The following SKAP1 variants were observed in gnomAD, a reference collection of about 807,000 sequenced individuals.
SKAP1 encodes src kinase-associated phosphoprotein 1.
A neutral mutation model predicts 58.5 loss-of-function variants in SKAP1; 44 were observed. The ratio of observed to expected loss-of-function variants is 0.75; its 90% confidence interval spans 0.59 to 0.97. The LOEUF (loss-of-function observed/expected upper bound fraction) is 0.97, where lower values mean the gene tolerates loss of function less well. Among genes scored for constraint, SKAP1 ranks in the 50% least tolerant of loss-of-function variants. The pLI is 0.00. For synonymous variants in SKAP1, 127 were observed against 149.7 expected (o/e 0.85, Z 1.11); for missense variants, 390 against 435.2 (o/e 0.90, Z 0.92).
rs535964123 is a variant in SKAP1, at chr17:48,253,583, T to C, written c.281-64083A>G. Among the ~76,000 whole-genome samples, 3 of 152,308 alleles carry C rather than the reference T, an allele frequency of 2.0e-5. No individual in the cohort carries two copies. In the South Asian group the frequency reaches 6.2e-4, roughly 32 times the overall value. On this transcript the variant is annotated intron_variant, in intron 4 of 12. Transcript: ENST00000336915. ...AATCCAAATTAGGTACGGATTAGGA[T>C]GGCTACAGGATACTTCTCTTAGGCA...
At chr17:48,338,828 A>C (rs1452113809) in intron 4 of SKAP1, among the ~76,000 whole-genome samples, 1 of 152,224 alleles carries the variant, frequency 6.6e-6, no homozygotes, top group African/African-American at 2.4e-5. Flanking sequence ...AATTACTGTC[A>C]ACTTGGAAGC....
At chr17:48,428,893 C>T (rs2067881595) in intron 1 of SKAP1, among the ~76,000 whole-genome samples, 1 of 152,130 alleles carries the variant, frequency 6.6e-6, no homozygotes, top group Admixed American at 6.5e-5. Context: ...GTAAGTAAAA[C>T]GGATTTTGGA....
At chr17:48,309,616 CAT>C (rs1238355436) in intron 4 of SKAP1, among the ~76,000 whole-genome samples, 2 of 152,072 alleles carry the variant, frequency 1.3e-5, no homozygotes. Flanking sequence ...TATATGTCCA[CAT>C]ATATACTCTC....
chr17:48,312,860 T>C (rs1218859316), intron 4 of SKAP1, among the ~76,000 whole-genome samples: 1 of 152,178 alleles, frequency 6.6e-6, no homozygotes, highest in Non-Finnish European at 1.5e-5. Flanking sequence ...GGCCATATGA[T>C]ATCTTGGAGG....
intron 4 of SKAP1, among the ~76,000 whole-genome samples, chr17:48,289,034 T>C (rs945418283): frequency 1.3e-5 from 2 of 152,108 alleles, no homozygotes; most frequent in African/African-American, 2.4e-5. Flanking sequence ...CAGGGCACCA[T>C]GTAAAATTAT....
At chr17:48,153,894 TA>T (rs1259590946) in intron 11 of SKAP1, among the ~76,000 whole-genome samples, 4,301 of 99,106 alleles carry the variant, frequency 0.043, 123 homozygotes, top group African/African-American at 0.12. Flanking sequence ...GCCCTGAAAT[TA>T]AAAAAAAAAA....
At position 48,238,590 on chromosome 17, in the gene SKAP1, C is replaced by G. The variant is rs149221049; in HGVS notation, c.281-49090G>C. On this transcript the variant is annotated intron_variant, in intron 4 of 12. Coordinates refer to ENST00000336915, the MANE Select transcript of SKAP1 (RefSeq NM_003726.4). Reference sequence around the variant, plus strand: ...GTCTCCCTATGTTGCACAGGATGGTCTCGAACTCCTGGGCTCAAGCAATCC... The same window carrying G: ...GTCTCCCTATGTTGCACAGGATGGTGTCGAACTCCTGGGCTCAAGCAATCC... Among the ~76,000 whole-genome samples the G allele has an allele frequency of 3.5e-4, 54 of 152,162 alleles. No homozygotes were observed. In the East Asian group the frequency reaches 7.7e-3, roughly 22 times the overall value.
intron 4 of SKAP1, among the ~76,000 whole-genome samples, chr17:48,263,412 T>C (rs1317664075): frequency 6.6e-6 from 1 of 152,220 alleles, no homozygotes; most frequent in Non-Finnish European, 1.5e-5. Flanking sequence ...TTAAGAACAT[T>C]GGGTCTCTTT....
intron 11 of SKAP1, among the ~76,000 whole-genome samples, chr17:48,153,399 G>A (rs539130078): frequency 6.6e-6 from 1 of 152,280 alleles, no homozygotes; most frequent in African/African-American, 2.4e-5. Flanking sequence ...GGAAAGGAAT[G>A]GCCTCTACTG....
chr17:48,309,025 G>A (rs1018326453), intron 4 of SKAP1, among the ~76,000 whole-genome samples: 6 of 151,916 alleles, frequency 3.9e-5, no homozygotes, highest in African/African-American at 1.2e-4. Flanking sequence ...AGCTCTGATC[G>A]GGGTAACTGA....
intron 11 of SKAP1, among the ~76,000 whole-genome samples, chr17:48,150,607 G>T (rs916526710): frequency 6.6e-6 from 1 of 152,096 alleles, no homozygotes; most frequent in African/African-American, 2.4e-5. Flanking sequence ...TATAAATCGG[G>T]ACCTTGCTGA....
chr17:48,323,164 T>C (rs1345842215), intron 4 of SKAP1, among the ~76,000 whole-genome samples: 1 of 151,408 alleles, frequency 6.6e-6, no homozygotes, highest in East Asian at 1.9e-4. Context: ...GCAGAGCATG[T>C]TACAACTTGG....
At chr17:48,162,298 C>G (rs2143286435) in intron 11 of SKAP1, among the ~76,000 whole-genome samples, 171 bp downstream of exon 11, 1 of 152,262 alleles carries the variant, frequency 6.6e-6, no homozygotes, top group South Asian at 2.1e-4. Context: ...AAAATGGTTC[C>G]TGAATCTGGA....
At chr17:48,134,957 G>T (rs1231426716) in intron 12 of SKAP1, among the ~76,000 whole-genome samples, 2 of 152,104 alleles carry the variant, frequency 1.3e-5, no homozygotes, top group Admixed American at 6.5e-5. Flanking sequence ...ACCTGCCTTG[G>T]CCTTGAAAGT....
intron 4 of SKAP1, among the ~76,000 whole-genome samples, chr17:48,244,767 T>G (rs1176117862): frequency 2.0e-5 from 3 of 152,206 alleles, no homozygotes; most frequent in Non-Finnish European, 4.4e-5. Flanking sequence ...TAAAAGAAGA[T>G]GCGTTCACAG....
intron 11 of SKAP1, among the ~76,000 whole-genome samples, chr17:48,148,158 G>A (rs1286280258): frequency 6.6e-6 from 1 of 152,180 alleles, no homozygotes; most frequent in Non-Finnish European, 1.5e-5. Context: ...AGGCCACGGA[G>A]GTGTGGAGGG....
intron 4 of SKAP1, among the ~76,000 whole-genome samples, chr17:48,245,148 C>CT (rs1298474010): frequency 6.6e-6 from 1 of 152,162 alleles, no homozygotes; most frequent in African/African-American, 2.4e-5. Context: ...ATTATAGAAT[C>CT]TAAAATGGTA....
At chr17:48,426,083 T>C (rs545887397) in intron 1 of SKAP1, among the ~76,000 whole-genome samples, 1 of 152,324 alleles carries the variant, frequency 6.6e-6, no homozygotes, top group Admixed American at 6.5e-5. Flanking sequence ...TCCTCAGCTA[T>C]CCAGAGCAAC....
Position 48,137,339 on chromosome 17 carries a change from T to C in SKAP1, c.979-2A>G. 6.3e-7 allele frequency: 1 copy of C among 1,594,834 alleles called. No individual in the cohort carries two copies. The highest frequency in any genetic ancestry group is 8.6e-7 in the Non-Finnish European group (1 of 1,162,484). On this transcript the variant is annotated splice_acceptor_variant, in intron 11 of 12. Coordinates refer to ENST00000336915, the MANE Select transcript of SKAP1 (RefSeq NM_003726.4). LOFTEE classifies it high-confidence loss of function. ...CCACCAGCCATACATGTTATACTCC[T>C]GAAAAGTGAAAAGAGGATAGCGTCA...
Sources: allele counts gnomAD v4.1 joint callset (sites outside exome capture counted in the v4.1 genomes callset), GRCh38; gene constraint gnomAD v4.1.1; transcripts MANE v1.5; gene names NCBI Gene and HGNC (gene_info 2026-07-23, HGNC 2026-07-21).